CSMD1: variants seen among roughly 807,000 people sequenced by gnomAD.
CSMD1 encodes the protein CUB and sushi domain-containing protein 1.
Under a neutral mutation model 417.5 loss-of-function variants are expected in CSMD1, and 213 were observed. The ratio of observed to expected loss-of-function variants is 0.51; its 90% CI spans 0.46 to 0.57. The LOEUF is 0.57. Ranked by LOEUF, CSMD1 falls within the 20% of genes least tolerant of loss-of-function variation. The pLI, the probability that CSMD1 is intolerant of heterozygous loss-of-function variation, is 0.00. For synonymous variants in CSMD1, 2,862 were observed against 1,736.8 expected (o/e 1.65, Z -16.11); for missense variants, 6,923 against 4,529.7 (o/e 1.53, Z -15.17).
At chr8:3,481,170 A>G (rs954361901) in intron 11 of CSMD1, among the ~76,000 whole-genome samples, 7 of 150,372 alleles carry the variant, frequency 4.7e-5, no homozygotes, top group African/African-American at 1.7e-4. Flanking sequence ...AAAAAAAAAA[A>G]AAAAAAAAAC....
intron 3 of CSMD1, among the ~76,000 whole-genome samples, chr8:4,236,967 A>T (rs1316569795): frequency 6.6e-6 from 1 of 152,222 alleles, no homozygotes; most frequent in East Asian, 1.9e-4. Context: ...AAGCAGTTAC[A>T]CTGAGGACCA....
chr8:4,349,023 G>C (rs1800936053), intron 3 of CSMD1, among the ~76,000 whole-genome samples: 1 of 152,126 alleles, frequency 6.6e-6, no homozygotes, highest in African/African-American at 2.4e-5. Flanking sequence ...GTCCACACAA[G>C]CCGAAATCTT....
intron 1 of CSMD1, among the ~76,000 whole-genome samples, chr8:4,945,102 A>G (rs1808281367): frequency 6.6e-6 from 1 of 152,176 alleles, no homozygotes; most frequent in Non-Finnish European, 1.5e-5. Context: ...GCTACAACAC[A>G]GATGGACCTC....
At chr8:3,195,615 C>G (rs1563132300) in intron 33 of CSMD1, among the ~76,000 whole-genome samples, 1 of 152,104 alleles carries the variant, frequency 6.6e-6, no homozygotes, top group Non-Finnish European at 1.5e-5. Context: ...TAACCACGGC[C>G]AGTAATGCAG....
At chr8:4,797,169 G>C (rs1184210268) in intron 1 of CSMD1, among the ~76,000 whole-genome samples, 1 of 152,174 alleles carries the variant, frequency 6.6e-6, no homozygotes, top group Non-Finnish European at 1.5e-5. Context: ...CAGCATCTCA[G>C]GCTCCAGGCA....
chr8:4,628,715 T>G lies in CSMD1; in HGVS notation c.302+8627A>C, dbSNP rs1266214415. Among the ~76,000 whole-genome samples the G allele has an allele frequency of 2.0e-5, 3 of 151,700 alleles. No homozygotes were observed. The East Asian group carries it at 5.8e-4, about 29-fold the overall frequency. On this transcript the variant is annotated intron_variant, in intron 2 of 69. Coordinates refer to ENST00000635120, the MANE Select transcript of CSMD1 (RefSeq NM_033225.6). Reference sequence around the variant, plus strand: ...TTACCTTGGTTAAAATTACACTGACTCATGGGAAGCCATCTAAGAGCCCTC... The same window carrying G: ...TTACCTTGGTTAAAATTACACTGACGCATGGGAAGCCATCTAAGAGCCCTC...
At chr8:4,320,924 A>G (rs1799239825) in intron 3 of CSMD1, among the ~76,000 whole-genome samples, 1 of 152,204 alleles carries the variant, frequency 6.6e-6, no homozygotes, top group African/African-American at 2.4e-5. Flanking sequence ...TCTTCTTTGT[A>G]TCCTCTCCTC....
At chr8:4,291,043 G>C (rs1013429796) in intron 3 of CSMD1, among the ~76,000 whole-genome samples, 3 of 152,016 alleles carry the variant, frequency 2.0e-5, no homozygotes, top group African/African-American at 7.2e-5. Context: ...GTACCCTAGT[G>C]TAAAATATTA....
At chr8:4,769,398 A>C (rs915340168) in intron 1 of CSMD1, among the ~76,000 whole-genome samples, 3 of 152,192 alleles carry the variant, frequency 2.0e-5, no homozygotes, top group Non-Finnish European at 4.4e-5. Context: ...AAACAAGTGC[A>C]ATTTTACTAT....
chr8:4,963,737 C>A (rs1409535533), intron 1 of CSMD1, among the ~76,000 whole-genome samples: 3 of 152,150 alleles, frequency 2.0e-5, no homozygotes, highest in African/African-American at 4.8e-5. Flanking sequence ...ACACTCAACT[C>A]AAGTTTTCTT....
intron 36 of CSMD1, among the ~76,000 whole-genome samples, chr8:3,184,688 T>A (rs893459045): frequency 6.6e-6 from 1 of 152,232 alleles, no homozygotes; most frequent in African/African-American, 2.4e-5. Context: ...TCCTGATCTA[T>A]ACTGTGCTTT....
chr8:3,247,428 C>A (rs1425948014), intron 26 of CSMD1, among the ~76,000 whole-genome samples: 1 of 152,166 alleles, frequency 6.6e-6, no homozygotes, highest in African/African-American at 2.4e-5. Flanking sequence ...TTCCATGCTC[C>A]TTGTATCTCT....
At chr8:3,621,098 G>A (rs961752623) in intron 7 of CSMD1, among the ~76,000 whole-genome samples, 11 of 152,172 alleles carry the variant, frequency 7.2e-5, no homozygotes, top group Admixed American at 3.3e-4. Flanking sequence ...TCATCCACAA[G>A]ACAAGGAGAG....
At chr8:3,922,590 A>G (rs986258214) in intron 5 of CSMD1, among the ~76,000 whole-genome samples, 1 of 152,160 alleles carries the variant, frequency 6.6e-6, no homozygotes, top group Non-Finnish European at 1.5e-5. Flanking sequence ...ATTAAATAAA[A>G]CATCTTCTGG....
chr8:3,838,795 T>C (rs1258824642), intron 5 of CSMD1, among the ~76,000 whole-genome samples: 1 of 111,594 alleles, frequency 9.0e-6, no homozygotes, highest in East Asian at 2.3e-4. Context: ...TATTATATAG[T>C]ATAATATATA....
At chr8:3,115,194 T>TCCCC (rs5888947) in intron 42 of CSMD1, among the ~76,000 whole-genome samples, 16 of 109,086 alleles carry the variant, frequency 1.5e-4, no homozygotes, top group Non-Finnish European at 2.3e-4. Context: ...ACAATTACAA[T>TCCCC]CCCCCCCCCC....
At chr8:3,981,840 G>A (rs879710158) in intron 5 of CSMD1, among the ~76,000 whole-genome samples, 4 of 152,146 alleles carry the variant, frequency 2.6e-5, no homozygotes, top group Non-Finnish European at 4.4e-5. Context: ...GCAGGAGGGC[G>A]TGCACTTGCT....
chr8:4,099,134 C>T (rs892014511), intron 3 of CSMD1, among the ~76,000 whole-genome samples: 2 of 151,476 alleles, frequency 1.3e-5, no homozygotes, highest in Non-Finnish European at 2.9e-5. Context: ...CAGTGGATTC[C>T]TTCTTTCAGG....
chr8:4,524,252 C>CAAAAAA (rs57258882), intron 2 of CSMD1, among the ~76,000 whole-genome samples: 1 of 129,252 alleles, frequency 7.7e-6, no homozygotes, highest in Admixed American at 8.0e-5. Context: ...AGACAACACT[C>CAAAAAA]AAAAAAAAAA....
Sources: allele counts gnomAD v4.1 joint callset (sites outside exome capture counted in the v4.1 genomes callset), GRCh38; gene constraint gnomAD v4.1.1; transcripts MANE v1.5; gene names NCBI Gene and HGNC (gene_info 2026-07-23, HGNC 2026-07-21).